The following TXNL1 variants were observed in gnomAD, a reference collection of about 807,000 sequenced individuals.
The protein encoded by TXNL1 is thioredoxin-like protein 1.
In TXNL1, 14 loss-of-function variants were observed where a neutral mutation model predicts 35.5. The ratio of observed to expected loss-of-function variants is 0.39; its 90% CI spans 0.26 to 0.62. The LOEUF (loss-of-function observed/expected upper bound fraction) is 0.62, where lower values mean the gene tolerates loss of function less well. Among genes scored for constraint, TXNL1 ranks in the 20% least tolerant of loss-of-function variants. The pLI is 0.47. For missense variants in TXNL1, 263 were observed against 349.7 expected, an observed-to-expected ratio of 0.75 and a Z score of 1.98; for synonymous variants, 110 against 115.5, an observed-to-expected ratio of 0.95 and a Z score of 0.31.
At chr18:56,629,364 C>T (rs1453748794) in intron 1 of TXNL1, among the ~76,000 whole-genome samples, 1 of 152,142 alleles carries the variant, frequency 6.6e-6, no homozygotes, top group Non-Finnish European at 1.5e-5. Flanking sequence ...CCCATCTCTA[C>T]TAAAAATACA....
intron 3 of TXNL1, among the ~76,000 whole-genome samples, chr18:56,623,495 G>T (rs1251834477): frequency 6.6e-6 from 1 of 150,906 alleles, no homozygotes; most frequent in African/African-American, 2.4e-5. Flanking sequence ...TCTTTGATCT[G>T]CCAGTGCAGT....
chr18:56,634,981 G>T (rs1271575104), intron 1 of TXNL1, among the ~76,000 whole-genome samples: 2 of 152,120 alleles, frequency 1.3e-5, no homozygotes, highest in African/African-American at 2.4e-5. Flanking sequence ...GGCACAGAAG[G>T]CCCAGCGCAG....
intron 6 of TXNL1, among the ~76,000 whole-genome samples, chr18:56,612,987 C>G (rs1207058357): frequency 2.0e-5 from 3 of 151,986 alleles, no homozygotes; most frequent in African/African-American, 7.2e-5. Context: ...ACTACAGGCG[C>G]ATCACCATGC....
In TXNL1 at chr18:56,614,572, A is replaced by T. The variant is rs752531922; in HGVS notation, c.587T>A (p.Ile196Asn). 1.2e-6 allele frequency: 2 copies of T among 1,613,364 alleles called. No individual in the cohort carries two copies. The highest frequency in any genetic ancestry group is 1.1e-5 in the South Asian group (1 of 91,000). Residue 196 changes from isoleucine to asparagine, a missense_variant, in exon 6 of 8, where the codon ATT becomes AAT. By Grantham distance (149) the Ile-to-Asn change is moderately radical. Transcript: ENST00000217515. ...DNGQGPKYVKIFINLPRSMDF... is the reference protein window; with the variant it reads ...DNGQGPKYVKNFINLPRSMDF... ...CATAGATCGGGGTAGGTTGATAAAA[A>T]TTTTTACATATTTAGGGCCCTGACC...
At chr18:56,614,710 C>T in intron 5 of TXNL1, 114 bp from the exon 6 acceptor site, 1 of 791,090 alleles carries the variant, frequency 1.3e-6, no homozygotes, top group Non-Finnish European at 1.9e-6. Context: ...ACATATACTT[C>T]AAATAACTCC....
intron 3 of TXNL1, among the ~76,000 whole-genome samples, chr18:56,621,757 T>A (rs957039153): frequency 6.6e-6 from 1 of 151,910 alleles, no homozygotes; most frequent in Admixed American, 6.6e-5. Flanking sequence ...CCTAGCACTT[T>A]GGGAGGCTGA....
rs2144267619 is a variant in TXNL1, at chr18:56,600,937, A to C, written c.*2090T>G. 1 of 152,334 alleles carries C rather than the reference A, an allele frequency of 6.6e-6. No individual in the cohort carries two copies. Among genetic ancestry groups the C allele is most frequent in the African/African-American group, 2.4e-5 (1 of 41,570 alleles). 9.4% of individuals were successfully genotyped at this position (152,334 alleles called of 1,614,324 possible). On this transcript the variant is annotated 3_prime_UTR_variant, in exon 8 of 8. Coordinates refer to ENST00000217515, the MANE Select transcript of TXNL1 (RefSeq NM_004786.3). ...AAAGCACCTGATGTCAATGTATCAA[A>C]ATACAGAGATCATGAAATTCTTTTT...
At chr18:56,618,485 A>G (rs1303888980) in intron 3 of TXNL1, among the ~76,000 whole-genome samples, 1 of 152,250 alleles carries the variant, frequency 6.6e-6, no homozygotes, top group Non-Finnish European at 1.5e-5. Flanking sequence ...AGGACTCTTT[A>G]TATCTATGAA....
chr18:56,626,630 G>A (rs1568107280), intron 1 of TXNL1, among the ~76,000 whole-genome samples, 173 bp from the exon 2 acceptor site: 2 of 151,442 alleles, frequency 1.3e-5, no homozygotes, highest in South Asian at 2.1e-4. Flanking sequence ...CGGCCAGAGT[G>A]GTACTCCAGG....
chr18:56,630,424 C>A (rs531682049), intron 1 of TXNL1, among the ~76,000 whole-genome samples: 160 of 152,290 alleles, frequency 1.1e-3, no homozygotes, highest in African/African-American at 3.6e-3. Flanking sequence ...TGAAAATAAA[C>A]CCTTCTGGGG....
chr18:56,616,141 A>G (rs1003777794), intron 5 of TXNL1, 104 bp downstream of exon 5: 1 of 1,093,592 alleles, frequency 9.1e-7, no homozygotes, highest in African/African-American at 1.6e-5. Flanking sequence ...CAAAAAAAAA[A>G]AAAAAGAAAA....
intron 7 of TXNL1, chr18:56,609,380 G>A (rs1309407582): frequency 1.3e-5 from 2 of 152,198 alleles, no homozygotes; most frequent in African/African-American, 4.8e-5. Flanking sequence ...TAGGCTAGAA[G>A]GGATGTGAGG....
At chr18:56,628,458 A>G (rs899031730) in intron 1 of TXNL1, among the ~76,000 whole-genome samples, 2 of 152,212 alleles carry the variant, frequency 1.3e-5, no homozygotes, top group Non-Finnish European at 2.9e-5. Flanking sequence ...AGAATGGGTA[A>G]GCTAATTATA....
chr18:56,609,174 T>C (rs2023950956), intron 7 of TXNL1: 1 of 152,112 alleles, frequency 6.6e-6, no homozygotes, highest in African/African-American at 2.4e-5. Context: ...TAGTATTTAA[T>C]AATATAAAGA....
intron 7 of TXNL1, among the ~76,000 whole-genome samples, chr18:56,605,949 A>G (rs920834531): frequency 1.3e-5 from 2 of 152,250 alleles, no homozygotes; most frequent in Non-Finnish European, 2.9e-5. Context: ...ATAAAAATAT[A>G]AACTGAAAAT....
At chr18:56,608,456 A>T (rs2023937628) in intron 7 of TXNL1, 1 of 152,256 alleles carries the variant, frequency 6.6e-6, no homozygotes, top group Non-Finnish European at 1.5e-5. Context: ...AAATTTATTA[A>T]ACATTAAAAG....
intron 3 of TXNL1, among the ~76,000 whole-genome samples, chr18:56,619,174 A>G (rs375787770): frequency 4.8e-5 from 7 of 147,128 alleles, no homozygotes; most frequent in East Asian, 2.0e-4. Context: ...AAATTGCGCC[A>G]TTGTACTCCA....
chr18:56,598,111 C>G lies in TXNL1; in HGVS notation c.*4916G>C, dbSNP rs2023765725. On this transcript the variant is annotated 3_prime_UTR_variant, in exon 8 of 8. Transcript: ENST00000217515. ...CACACTATGCACTTTTCCTTTACTTCAGCTAAATTATCTTCCTTACCTTCC... is the reference window on the plus strand; with the variant it reads ...CACACTATGCACTTTTCCTTTACTTGAGCTAAATTATCTTCCTTACCTTCC... 1 of 152,206 alleles carries G rather than the reference C, an allele frequency of 6.6e-6. No individual in the cohort carries two copies. Among genetic ancestry groups the G allele is most frequent in the Non-Finnish European group, 1.5e-5 (1 of 68,046 alleles). The allele number at this position is 152,206 out of a possible 1,614,324, so 9.4% of individuals were successfully genotyped here.
At chr18:56,611,331 C>T (rs1239499300) in intron 6 of TXNL1, among the ~76,000 whole-genome samples, 2 of 151,810 alleles carry the variant, frequency 1.3e-5, no homozygotes, top group African/African-American at 4.8e-5. Flanking sequence ...AAAACCCCAT[C>T]TCTACTAAAA....
Sources: gnomAD v4.1 joint callset for allele counts (sites outside exome capture counted in the v4.1 genomes callset) on GRCh38, gnomAD v4.1.1 for gene constraint, MANE v1.5 for transcripts, NCBI Gene and HGNC (gene_info 2026-07-23, HGNC 2026-07-21) for gene names.